The following POU6F2 variants were observed in gnomAD, a reference collection of about 807,000 sequenced individuals.
POU6F2 encodes the protein POU domain, class 6, transcription factor 2.
In POU6F2, 31 loss-of-function variants were observed where a neutral mutation model predicts 71.3. The observed-to-expected ratio is 0.43, with a 90% CI of 0.33 to 0.59. POU6F2 has a LOEUF of 0.59. Ranked by LOEUF, POU6F2 falls within the 20% of genes least tolerant of loss-of-function variation. The pLI, the probability that POU6F2 is intolerant of heterozygous loss-of-function variation, is 0.04. For missense variants in POU6F2, 783 were observed against 856.8 expected, an observed-to-expected ratio of 0.91 and a Z score of 1.07; for synonymous variants, 347 against 355.7, an observed-to-expected ratio of 0.98 and a Z score of 0.27.
At chr7:39,227,433 G>C (rs1034944441) in intron 4 of POU6F2, among the ~76,000 whole-genome samples, 1 of 151,978 alleles carries the variant, frequency 6.6e-6, no homozygotes, top group Non-Finnish European at 1.5e-5. Context: ...CTACAGAGGT[G>C]CTTCTCAGGT....
intron 4 of POU6F2, among the ~76,000 whole-genome samples, chr7:39,334,958 G>A (rs972762508): frequency 4.6e-5 from 7 of 152,130 alleles, no homozygotes; most frequent in Non-Finnish European, 1.0e-4. Context: ...AAATCCAGCT[G>A]GGGAAATCTT....
chr7:39,350,422 G>A (rs902191934), intron 5 of POU6F2, among the ~76,000 whole-genome samples: 1 of 151,902 alleles, frequency 6.6e-6, no homozygotes, highest in African/African-American at 2.4e-5. Context: ...GGTTTTTTGG[G>A]GTTTTTTTAA....
intron 4 of POU6F2, among the ~76,000 whole-genome samples, chr7:39,235,368 A>T (rs1300863336): frequency 6.6e-6 from 1 of 152,188 alleles, no homozygotes; most frequent in Non-Finnish European, 1.5e-5. Flanking sequence ...TCATTTATAC[A>T]CATAATGATT....
chr7:39,279,740 T>TTTTATTTA (rs139796675), intron 4 of POU6F2, among the ~76,000 whole-genome samples: 7 of 151,466 alleles, frequency 4.6e-5, no homozygotes, highest in Non-Finnish European at 7.4e-5. Flanking sequence ...TTCCCTTTTA[T>TTTTATTTA]TTTATTTATT....
intron 4 of POU6F2, among the ~76,000 whole-genome samples, chr7:39,233,390 T>G (rs1249215494): frequency 6.6e-6 from 1 of 152,186 alleles, no homozygotes; most frequent in Non-Finnish European, 1.5e-5. Context: ...GCCTTATTAA[T>G]TAAGTAATTA....
intron 4 of POU6F2, among the ~76,000 whole-genome samples, chr7:39,238,984 T>C (rs1430751168): frequency 2.0e-5 from 3 of 152,146 alleles, no homozygotes; most frequent in African/African-American, 7.2e-5. Flanking sequence ...CTCTTGGTGA[T>C]GCAAGTCAGA....
At chr7:39,295,125 G>T (rs1784823013) in intron 4 of POU6F2, among the ~76,000 whole-genome samples, 2 of 150,340 alleles carry the variant, frequency 1.3e-5, no homozygotes, top group African/African-American at 4.9e-5. Flanking sequence ...TCCTAAGCAA[G>T]ATTGTTTTAA....
chr7:39,366,634 C>A (rs940629220), intron 5 of POU6F2, among the ~76,000 whole-genome samples: 8 of 152,132 alleles, frequency 5.3e-5, no homozygotes, highest in African/African-American at 1.7e-4. Flanking sequence ...GAACAGCCAC[C>A]ACCTATGAGG....
rs117465661 is a variant in POU6F2 at position 38,996,522 on chromosome 7, C to T, written c.105+18464C>T. ...TAGTAACTCCAACTATTATTTCTAT[C>T]TATTCTTTCATCCACTTGCAGCCTT... is the stretch of plus-strand genomic sequence containing the variant. On this transcript the variant is annotated intron_variant, in intron 1 of 9. Transcript: ENST00000518318. Among the ~76,000 whole-genome samples the T allele has an allele frequency of 1.6e-3, 242 of 152,278 alleles. 7 individuals carry two copies. The East Asian group carries it at 0.041, about 26-fold the overall frequency.
intron 1 of POU6F2, among the ~76,000 whole-genome samples, chr7:38,985,989 G>A (rs1257723983): frequency 3.3e-5 from 5 of 152,160 alleles, no homozygotes; most frequent in Non-Finnish European, 5.9e-5. Context: ...GATTCCTAGT[G>A]ACGAAAGAAT....
chr7:39,407,386 G>T (rs1787457442), intron 6 of POU6F2, among the ~76,000 whole-genome samples: 1 of 150,774 alleles, frequency 6.6e-6, no homozygotes, highest in South Asian at 2.1e-4. Flanking sequence ...CTCATGTCAT[G>T]AGAGAGGGTC....
At chr7:39,025,655 A>G (rs993378133) in intron 1 of POU6F2, among the ~76,000 whole-genome samples, 2 of 151,446 alleles carry the variant, frequency 1.3e-5, no homozygotes, top group African/African-American at 4.8e-5. Flanking sequence ...CCTAAAAGAA[A>G]ACCTAGGCAT....
At chr7:39,023,395 T>C (rs970474501) in intron 1 of POU6F2, among the ~76,000 whole-genome samples, 1 of 152,082 alleles carries the variant, frequency 6.6e-6, no homozygotes, top group Non-Finnish European at 1.5e-5. Flanking sequence ...TTGGCTAAGA[T>C]GCTTCCCCAT....
intron 4 of POU6F2, among the ~76,000 whole-genome samples, chr7:39,281,334 G>T (rs946819032): frequency 2.6e-5 from 4 of 151,974 alleles, no homozygotes; most frequent in Non-Finnish European, 4.4e-5. Flanking sequence ...TAGCTATTTT[G>T]AAATATACAA....
intron 2 of POU6F2, among the ~76,000 whole-genome samples, chr7:39,101,317 G>A (rs770715933): frequency 2.6e-5 from 4 of 152,084 alleles, no homozygotes; most frequent in East Asian, 1.9e-4. Flanking sequence ...CAGGTGATCC[G>A]TCCGCCTCAG....
At chr7:39,157,155 A>G (rs1427798802) in intron 2 of POU6F2, among the ~76,000 whole-genome samples, 2 of 152,142 alleles carry the variant, frequency 1.3e-5, no homozygotes, top group Non-Finnish European at 2.9e-5. Context: ...CCGGTGGGGG[A>G]ACCAGTGAGC....
intron 1 of POU6F2, among the ~76,000 whole-genome samples, chr7:39,071,614 G>A (rs1232202274): frequency 6.6e-6 from 1 of 151,078 alleles, no homozygotes; most frequent in Non-Finnish European, 1.5e-5. Context: ...AGGAGTTCAA[G>A]ACCAGCCCAG....
At chr7:39,298,388 G>A (rs534008699) in intron 4 of POU6F2, among the ~76,000 whole-genome samples, 24 of 152,236 alleles carry the variant, frequency 1.6e-4, no homozygotes, top group Non-Finnish European at 2.9e-4. Context: ...AGACATTTAC[G>A]TGGCCAACAA....
At chr7:39,229,386 C>G (rs904853558) in intron 4 of POU6F2, among the ~76,000 whole-genome samples, 5 of 152,212 alleles carry the variant, frequency 3.3e-5, no homozygotes, top group African/African-American at 1.2e-4. Flanking sequence ...CCCTTCTCAT[C>G]TGGCATCAAC....
Sources: gnomAD v4.1 joint callset for allele counts (sites outside exome capture counted in the v4.1 genomes callset) on GRCh38, gnomAD v4.1.1 for gene constraint, MANE v1.5 for transcripts, NCBI Gene and HGNC (gene_info 2026-07-23, HGNC 2026-07-21) for gene names.